Variants in KCNS3 observed in about 807,000 individuals in gnomAD.
KCNS3 encodes potassium voltage-gated channel modifier subfamily S member 3, also known as delayed-rectifier potassium channel regulatory subunit KCNS3.
KCNS3 carries 13 observed loss-of-function variants against 31.0 expected under a neutral mutation model. That is an observed-to-expected ratio of 0.42 (90% CI 0.27 to 0.67). KCNS3 has a LOEUF of 0.67. Ranked by LOEUF, KCNS3 falls within the 30% of genes least tolerant of loss-of-function variation. The pLI, the probability that KCNS3 is intolerant of heterozygous loss-of-function variation, is 0.25. For synonymous variants in KCNS3, 238 were observed against 241.5 expected, an observed-to-expected ratio of 0.99 and a Z score of 0.13; for missense variants, 545 against 622.4, an observed-to-expected ratio of 0.88 and a Z score of 1.32.
chr2:17,903,624 C>G (rs1439030982), intron 1 of KCNS3, among the ~76,000 whole-genome samples: 1 of 146,674 alleles, frequency 6.8e-6, no homozygotes, highest in Non-Finnish European at 1.5e-5. Flanking sequence ...CACCCCACAA[C>G]AGGCCCCAGT....
chr2:17,922,333 A>G (rs567787259), intron 2 of KCNS3, among the ~76,000 whole-genome samples: 3 of 151,888 alleles, frequency 2.0e-5, no homozygotes, highest in African/African-American at 7.2e-5. Flanking sequence ...TTTTTTACTT[A>G]TTAGCTGGAA....
At chr2:17,911,921 C>T (rs961588757) in intron 1 of KCNS3, among the ~76,000 whole-genome samples, 3 of 152,292 alleles carry the variant, frequency 2.0e-5, no homozygotes, top group Admixed American at 2.0e-4. Context: ...CTGAGTGCTG[C>T]AAGGATTAAA....
At chr2:17,924,133 A>T (rs1558459477) in intron 2 of KCNS3, among the ~76,000 whole-genome samples, 1 of 151,670 alleles carries the variant, frequency 6.6e-6, no homozygotes, top group East Asian at 1.9e-4. Context: ...TTGAAAATAT[A>T]ATTGTTTTCT....
intron 1 of KCNS3, among the ~76,000 whole-genome samples, chr2:17,900,160 G>T (rs1313562001): frequency 6.6e-6 from 1 of 152,088 alleles, no homozygotes; most frequent in Non-Finnish European, 1.5e-5. Context: ...AAAAAAGATT[G>T]TTTGCTTATT....
rs1373281256 is a variant in KCNS3 at position 17,921,913 on chromosome 2, G to GTATATA, written c.-60+4043_-60+4044insATATAT. On this transcript the variant is annotated intron_variant, in intron 2 of 2. Coordinates refer to ENST00000304101, the MANE Select transcript of KCNS3 (RefSeq NM_002252.5). ...GATTTTCATATATATGTGTGTGTGT[G>GTATATA]TGTATATATATATATATATATATAT... Among the ~76,000 whole-genome samples the GTATATA allele has an allele frequency of 9.3e-3, 316 of 33,902 alleles. 1 individual carries two copies. Among genetic ancestry groups the GTATATA allele is most frequent in the African/African-American group, 0.011 (100 of 9,174 alleles). The allele number at this position is 33,902 out of a possible 152,430, so 22.2% of individuals were successfully genotyped here. A position where few individuals can be genotyped will look rare whatever the true frequency, so the allele number is the denominator to read the frequency against.
chr2:17,898,881 C>G (rs146739937), intron 1 of KCNS3, among the ~76,000 whole-genome samples: 2,226 of 152,298 alleles, frequency 0.015, 27 homozygotes, highest in Non-Finnish European at 0.022. Context: ...TGTGTACTTT[C>G]AATTCCAGTT....
At chr2:17,917,352 T>A (rs891050950) in intron 1 of KCNS3, among the ~76,000 whole-genome samples, 1 of 152,214 alleles carries the variant, frequency 6.6e-6, no homozygotes, top group African/African-American at 2.4e-5. Flanking sequence ...GAATAACACT[T>A]CTATAAGAAA....
At chr2:17,895,145 T>A (rs987851816) in intron 1 of KCNS3, among the ~76,000 whole-genome samples, 1 of 152,182 alleles carries the variant, frequency 6.6e-6, no homozygotes, top group African/African-American at 2.4e-5. Flanking sequence ...TTTCACTACC[T>A]TCCAAAGAAT....
chr2:17,890,063 T>C (rs1392029237), intron 1 of KCNS3, among the ~76,000 whole-genome samples: 3 of 152,168 alleles, frequency 2.0e-5, no homozygotes, highest in Non-Finnish European at 4.4e-5. Context: ...CCTGGACTGT[T>C]TTTTTGGCAA....
chr2:17,887,402 A>G (rs1337946451), intron 1 of KCNS3, among the ~76,000 whole-genome samples: 1 of 152,134 alleles, frequency 6.6e-6, no homozygotes, highest in African/African-American at 2.4e-5. Flanking sequence ...TTCACTTAGA[A>G]TGATAGTCTC....
intron 1 of KCNS3, among the ~76,000 whole-genome samples, chr2:17,896,407 A>G (rs553246953): frequency 1.3e-5 from 2 of 152,194 alleles, no homozygotes; most frequent in East Asian, 1.9e-4. Context: ...GGCAAAGGGC[A>G]TTACAAGTAG....
chr2:17,889,194 A>G (rs1661777803), intron 1 of KCNS3, among the ~76,000 whole-genome samples: 1 of 151,994 alleles, frequency 6.6e-6, no homozygotes, highest in Admixed American at 6.6e-5. Flanking sequence ...CAGCTATTGT[A>G]AAAGGGGTTG....
At chr2:17,930,870 T>G in intron 2 of KCNS3, 80 bp from the exon 3 acceptor site, 1 of 867,226 alleles carries the variant, frequency 1.2e-6, no homozygotes, top group Non-Finnish European at 1.8e-6. Flanking sequence ...TAGCCCATCC[T>G]CCTGGAAAGG....
At chr2:17,893,332 G>A (rs186855240) in intron 1 of KCNS3, among the ~76,000 whole-genome samples, 55 of 152,282 alleles carry the variant, frequency 3.6e-4, no homozygotes, top group Admixed American at 1.6e-3. Flanking sequence ...AAACTTGCCC[G>A]AGGCCATCTG....
intron 2 of KCNS3, chr2:17,919,543 G>T (rs1217862476): frequency 1.3e-5 from 2 of 152,146 alleles, no homozygotes; most frequent in Non-Finnish European, 1.5e-5. Context: ...TGATAATTCA[G>T]CATGAATAAG....
At chr2:17,915,683 A>G (rs1379621451) in intron 1 of KCNS3, among the ~76,000 whole-genome samples, 2 of 152,340 alleles carry the variant, frequency 1.3e-5, no homozygotes, top group East Asian at 3.9e-4. Flanking sequence ...AATCCTAAAA[A>G]GGTGCTTAGC....
chr2:17,900,130 T>C (rs188953287), intron 1 of KCNS3, among the ~76,000 whole-genome samples: 88 of 152,320 alleles, frequency 5.8e-4, no homozygotes, highest in Middle Eastern at 3.4e-3. Context: ...TGCCTGGTTC[T>C]CTGCATTGAT....
At chr2:17,915,896 T>G (rs1345280237) in intron 1 of KCNS3, among the ~76,000 whole-genome samples, 2 of 152,014 alleles carry the variant, frequency 1.3e-5, no homozygotes, top group Non-Finnish European at 2.9e-5. Flanking sequence ...AATTCTGAGT[T>G]TTGTGGGGAG....
intron 1 of KCNS3, among the ~76,000 whole-genome samples, chr2:17,904,944 C>T (rs1333216175): frequency 6.6e-6 from 1 of 152,152 alleles, no homozygotes; most frequent in Admixed American, 6.6e-5. Flanking sequence ...GTAATGCGGG[C>T]TCTTTTTTGG....
Sources: gnomAD v4.1 joint callset for allele counts (sites outside exome capture counted in the v4.1 genomes callset) on GRCh38, gnomAD v4.1.1 for gene constraint, MANE v1.5 for transcripts, NCBI Gene and HGNC (gene_info 2026-07-23, HGNC 2026-07-21) for gene names.